Variants in PMEPA1 observed in about 807,000 individuals in gnomAD.
PMEPA1 encodes the protein protein TMEPAI.
PMEPA1 carries 11 observed loss-of-function variants against 23.0 expected under a neutral mutation model. That is an observed-to-expected ratio of 0.48 (90% CI 0.30 to 0.79). PMEPA1 has a LOEUF of 0.79. Among genes scored for constraint, PMEPA1 ranks in the 30% least tolerant of loss-of-function variants. The probability of loss-of-function intolerance (pLI) is 0.06; values close to 1 mark genes in which losing one functional copy is unlikely to be tolerated. For synonymous variants in PMEPA1, 204 were observed against 166.4 expected, an observed-to-expected ratio of 1.23 and a Z score of -1.74; for missense variants, 377 against 390.9, an observed-to-expected ratio of 0.96 and a Z score of 0.30.
At position 57,655,737 on chromosome 20, in the gene PMEPA1, C is replaced by T. The variant is rs1181488646; in HGVS notation, c.265-2651G>A. Among the ~76,000 whole-genome samples the T allele has an allele frequency of 6.6e-6, 1 of 152,212 alleles. No individual in the cohort carries two copies. Among genetic ancestry groups the T allele is most frequent in the Non-Finnish European group, 1.5e-5 (1 of 68,038 alleles). The stretch of plus-strand genomic sequence containing the variant: ...CTCCCAGGGCTCGGGGTGGACTCCT[C>T]TTCTTTGAAGTGGGCGCACCCAGTC... On this transcript the variant is annotated intron_variant, in intron 2 of 3. Coordinates refer to ENST00000341744, the MANE Select transcript of PMEPA1 (RefSeq NM_020182.5). This position sits in a 1 kb window ranked among gnomAD's most constrained non-coding sequence, Gnocchi z 4.2.
intron 1 of PMEPA1, among the ~76,000 whole-genome samples, chr20:57,681,062 T>G (rs1289150894): frequency 1.3e-5 from 2 of 152,190 alleles, no homozygotes; most frequent in African/African-American, 4.8e-5. Flanking sequence ...ACCTTTTGCA[T>G]GAGGGATTTC....
intron 1 of PMEPA1, among the ~76,000 whole-genome samples, chr20:57,661,427 C>T (rs953616212): frequency 6.6e-6 from 1 of 152,184 alleles, no homozygotes; most frequent in Non-Finnish European, 1.5e-5. Flanking sequence ...GGACACCCTG[C>T]CCAAGGTGTG....
At chr20:57,668,891 A>G (rs758325845) in intron 1 of PMEPA1, among the ~76,000 whole-genome samples, 1 of 152,098 alleles carries the variant, frequency 6.6e-6, no homozygotes, top group African/African-American at 2.4e-5. Context: ...CCCGGCCCCC[A>G]GGTCCCTGCC....
At chr20:57,665,794 G>A (rs2071484015) in intron 1 of PMEPA1, among the ~76,000 whole-genome samples, 1 of 152,192 alleles carries the variant, frequency 6.6e-6, no homozygotes, top group African/African-American at 2.4e-5. Context: ...CAGGATGGTG[G>A]CTGGACCCAA....
rs2072045794 is a variant in PMEPA1 at position 57,704,071 on chromosome 20, T to C, written c.109+5403A>G. 6.6e-6 allele frequency among the ~76,000 whole-genome samples: 1 copy of C among 152,100 alleles called. No homozygotes were observed. The highest frequency in any genetic ancestry group is 2.1e-4 in the South Asian group (1 of 4,810). On this transcript the variant is annotated intron_variant, in intron 1 of 3. Transcript: ENST00000341744. The surrounding 1 kb of genome is among the most constrained non-coding windows in gnomAD (Gnocchi z 4.6). ...GTCACTTGATGAGACAGATGGGGTC[T>C]GCCAGCAGGTTCTGTGGGGCTTCTT...
In PMEPA1 at chr20:57,651,175, A is replaced by G. The variant is rs1286221789; in HGVS notation, c.*878T>C. 1 of 152,212 alleles carries G rather than the reference A, an allele frequency of 6.6e-6. No individual in the cohort carries two copies. Among genetic ancestry groups the G allele is most frequent in the Non-Finnish European group, 1.5e-5 (1 of 68,034 alleles). 9.4% of individuals were successfully genotyped at this position (152,212 alleles called of 1,614,324 possible). A position where few individuals can be genotyped will look rare whatever the true frequency, so the allele number is the denominator to read the frequency against. Reference sequence around the variant, plus strand: ...TGTGATTTAAAGGCTGTTCTGGGTCAGGGGGGAAAAGGTGTCTCCTTCGGT... The same window carrying G: ...TGTGATTTAAAGGCTGTTCTGGGTCGGGGGGGAAAAGGTGTCTCCTTCGGT... On this transcript the variant is annotated 3_prime_UTR_variant, in exon 4 of 4. Transcript: ENST00000341744.
chr20:57,648,994 A>G lies in PMEPA1; in HGVS notation c.*3059T>C, dbSNP rs1194797597. On this transcript the variant is annotated 3_prime_UTR_variant, in exon 4 of 4. Transcript: ENST00000341744. ...GAGAACACGGACGGTTCTTAGCACA[A>G]TTTGTGAAATCTGTGTAGAACCGGG... 11 of 152,056 alleles carry G rather than the reference A, an allele frequency of 7.2e-5. No individual in the cohort carries two copies. The highest frequency in any genetic ancestry group is 1.5e-4 in the Non-Finnish European group (10 of 68,004). The allele number at this position is 152,056 out of a possible 1,614,324, so 9.4% of individuals were successfully genotyped here.
Position 57,709,740 on chromosome 20 carries a change from G to C in PMEPA1, c.-158C>G, listed in dbSNP as rs950482753. The stretch of plus-strand genomic sequence containing the variant: ...CTCGGGTCGCCGCCAAGTTCCCGGG[G>C]CGCCGCGGGGCTCAGTGCGCGGGAC... On this transcript the variant is annotated 5_prime_UTR_variant, in exon 1 of 4. Transcript: ENST00000341744. The C allele has an allele frequency of 2.7e-5, 26 of 979,680 alleles. No homozygotes were observed. Among genetic ancestry groups the C allele is most frequent in the Non-Finnish European group, 3.0e-5 (25 of 827,622 alleles). The allele number at this position is 979,680 out of a possible 1,614,324, so 60.7% of individuals were successfully genotyped here. A position where few individuals can be genotyped will look rare whatever the true frequency, so the allele number is the denominator to read the frequency against.
chr20:57,693,563 A>AC (rs1568682216), intron 1 of PMEPA1, among the ~76,000 whole-genome samples: 1 of 152,152 alleles, frequency 6.6e-6, no homozygotes, highest in Non-Finnish European at 1.5e-5. Flanking sequence ...GCTGGGACAC[A>AC]CCTGAGCCCT....
In PMEPA1 at chr20:57,655,543, T is replaced by C. The variant is rs1003589334; in HGVS notation, c.265-2457A>G. On this transcript the variant is annotated intron_variant, in intron 2 of 3. Transcript: ENST00000341744. The surrounding 1 kb of genome is among the most constrained non-coding windows in gnomAD (Gnocchi z 4.2). ...ATCTTTGTGGAATTAGGTTCCAAAG[T>C]GGCTTGAGAAGTCGGGGGAGGTGGG... is the stretch of plus-strand genomic sequence containing the variant. 6.6e-6 allele frequency among the ~76,000 whole-genome samples: 1 copy of C among 152,216 alleles called. No homozygotes were observed. Among genetic ancestry groups the C allele is most frequent in the Non-Finnish European group, 1.5e-5 (1 of 68,034 alleles).
At chr20:57,688,596 G>A (rs932074956) in intron 1 of PMEPA1, among the ~76,000 whole-genome samples, 5 of 152,184 alleles carry the variant, frequency 3.3e-5, no homozygotes, top group Admixed American at 2.0e-4. Flanking sequence ...CCCAGTGGTC[G>A]ACCTCACTCT....
upstream of PMEPA1, chr20:57,710,289 G>A: frequency 2.9e-6 from 2 of 690,900 alleles, no homozygotes; most frequent in Non-Finnish European, 4.4e-6. Flanking sequence ...AGCCGAACTC[G>A]GTGCCAGCCG....
chr20:57,664,717 G>T (rs1054550675), intron 1 of PMEPA1, among the ~76,000 whole-genome samples: 6 of 152,158 alleles, frequency 3.9e-5, no homozygotes, highest in Non-Finnish European at 8.8e-5. Context: ...GCCCAGCGCG[G>T]CCGCATCCCT....
At position 57,677,573 on chromosome 20, in the gene PMEPA1, A is replaced by G. The variant is rs74829698; in HGVS notation, c.110-17876T>C. Among the ~76,000 whole-genome samples the G allele has an allele frequency of 4.0e-3, 607 of 152,332 alleles. 5 individuals carry two copies. Among genetic ancestry groups the G allele is most frequent in the African/African-American group, 0.014 (584 of 41,558 alleles). ...TCCCCAGCACTCGCATCTTTCCACC[A>G]AAGCCAGAGACCAGAGGAGGGCATG... On this transcript the variant is annotated intron_variant, in intron 1 of 3. Coordinates refer to ENST00000341744, the MANE Select transcript of PMEPA1 (RefSeq NM_020182.5).
At position 57,656,284 on chromosome 20, in the gene PMEPA1, C is replaced by A. The variant is rs1457282577; in HGVS notation, c.265-3198G>T. ...GAGTGGACGCTAGGTCTTTGGCTCC[C>A]GCTGCTGGCAGATTGTCGCACATTG... is the stretch of plus-strand genomic sequence containing the variant. On this transcript the variant is annotated intron_variant, in intron 2 of 3. Transcript: ENST00000341744. The surrounding 1 kb of genome is among the most constrained non-coding windows in gnomAD (Gnocchi z 4.7). 6.6e-6 allele frequency among the ~76,000 whole-genome samples: 1 copy of A among 151,148 alleles called. No homozygotes were observed. Among genetic ancestry groups the A allele is most frequent in the Admixed American group, 6.6e-5 (1 of 15,254 alleles).
rs2071379351 is a variant in PMEPA1, at chr20:57,659,545, A to C, written c.262T>G (p.Ser88Ala). The change falls in exon 2 of 4, where the codon TCA (serine) becomes GCA (alanine). Residue 88 changes from serine (S) to alanine (A), a missense_variant and splice_region_variant. Transcript: ENST00000341744. ...AGATGGGATGGCGGGGCACTTACTG[A>C]GGACAGGGCATCTTCTCTCCTCCGC... ...QGRRREDALS[S>A]EGCLWPSEST... is the part of the protein sequence containing the mutation. 13 of 1,613,604 alleles carry C rather than the reference A, an allele frequency of 8.1e-6. No homozygotes were observed. The highest frequency in any genetic ancestry group is 1.1e-5 in the Non-Finnish European group (13 of 1,179,756).
Position 57,652,551 on chromosome 20 carries a change from C to T in PMEPA1, c.366G>A (p.Pro122=). 2 of 1,535,554 alleles carry T rather than the reference C, an allele frequency of 1.3e-6. No individual in the cohort carries two copies. Among genetic ancestry groups the T allele is most frequent in the Non-Finnish European group, 1.8e-6 (2 of 1,140,732 alleles). Residue 122 remains proline (P), a synonymous_variant, in exon 4 of 4, where the codon CCG becomes CCA. Transcript: ENST00000341744. The surrounding 1 kb of genome is among the most constrained non-coding windows in gnomAD (Gnocchi z 6.1). Reference sequence around the variant, plus strand: ...GGAAGCGCTCCCGCTGGGCGAAGGGCGGCACGGCCAGGCGGTCGGTGGGCC... The same window carrying T: ...GGAAGCGCTCCCGCTGGGCGAAGGGTGGCACGGCCAGGCGGTCGGTGGGCC... ...PPRPTDRLAV[P]PFAQRERFHR...
intron 1 of PMEPA1, among the ~76,000 whole-genome samples, chr20:57,678,955 G>T (rs2071674749): frequency 6.6e-6 from 1 of 152,172 alleles, no homozygotes; most frequent in Non-Finnish European, 1.5e-5. Flanking sequence ...TATTGTTCAG[G>T]AAGAACTGCG....
intron 1 of PMEPA1, among the ~76,000 whole-genome samples, chr20:57,671,357 G>A (rs1218752337): frequency 1.3e-5 from 2 of 152,170 alleles, no homozygotes; most frequent in East Asian, 1.9e-4. Context: ...TGGGGAACGG[G>A]TGGGCGTGGG....
Sources: allele counts gnomAD v4.1 joint callset (sites outside exome capture counted in the v4.1 genomes callset), GRCh38; gene constraint gnomAD v4.1.1; non-coding constraint Gnocchi (gnomAD v3.1); transcripts MANE v1.5; gene names NCBI Gene and HGNC (gene_info 2026-07-23, HGNC 2026-07-21).